Variants in DEUP1 observed in about 807,000 individuals in gnomAD.
DEUP1 encodes the protein deuterosome assembly protein 1.
A neutral mutation model predicts 87.4 loss-of-function variants in DEUP1; 82 were observed. That is an observed-to-expected ratio of 0.94 (90% CI 0.78 to 1.13). The LOEUF is 1.13. Among genes scored for constraint, DEUP1 ranks in the 50% most tolerant of loss-of-function variants. The pLI, the probability that DEUP1 is intolerant of heterozygous loss-of-function variation, is 0.00. For missense variants in DEUP1, 663 were observed against 681.5 expected (o/e 0.97, Z 0.30); for synonymous variants, 214 against 222.7 (o/e 0.96, Z 0.35).
intron 12 of DEUP1, among the ~76,000 whole-genome samples, chr11:93,413,657 T>G (rs1468265279): frequency 1.3e-5 from 2 of 152,246 alleles, no homozygotes; most frequent in Non-Finnish European, 2.9e-5. Context: ...ATTGGTTTGT[T>G]ACATGTTTTC....
At chr11:93,417,997 G>C (rs1947707811) in intron 13 of DEUP1, among the ~76,000 whole-genome samples, 1 of 151,734 alleles carries the variant, frequency 6.6e-6, no homozygotes, top group Non-Finnish European at 1.5e-5. Context: ...GCTGAAACTG[G>C]ATCCCTTCCT....
intron 2 of DEUP1, among the ~76,000 whole-genome samples, chr11:93,344,951 C>T (rs186245636): frequency 7.9e-5 from 12 of 151,118 alleles, no homozygotes; most frequent in African/African-American, 2.7e-4. Flanking sequence ...ATTATTTCAT[C>T]ATCCACATAC....
chr11:93,354,240 CAA>C (rs1944773877), intron 2 of DEUP1, among the ~76,000 whole-genome samples: 1 of 152,152 alleles, frequency 6.6e-6, no homozygotes, highest in Admixed American at 6.5e-5. Flanking sequence ...TAAAACATAA[CAA>C]GAGTCACCTT....
intron 7 of DEUP1, among the ~76,000 whole-genome samples, chr11:93,378,561 A>G (rs1298036790): frequency 6.6e-6 from 1 of 151,896 alleles, no homozygotes; most frequent in Non-Finnish European, 1.5e-5. Context: ...GACCTTCTGA[A>G]TTATTTTTCT....
chr11:93,410,823 A>G (rs2134428417), intron 12 of DEUP1, among the ~76,000 whole-genome samples: 1 of 152,354 alleles, frequency 6.6e-6, no homozygotes, highest in African/African-American at 2.4e-5. Flanking sequence ...TAACAAAAAC[A>G]AGACAGTAGG....
intron 9 of DEUP1, among the ~76,000 whole-genome samples, chr11:93,393,569 T>C (rs1946838973): frequency 6.6e-6 from 1 of 152,214 alleles, no homozygotes; most frequent in Non-Finnish European, 1.5e-5. Context: ...CTGTCATCCC[T>C]AGGCTGGGTT....
chr11:93,356,333 T>C (rs1246194076), intron 3 of DEUP1, among the ~76,000 whole-genome samples: 2 of 152,206 alleles, frequency 1.3e-5, no homozygotes, highest in Non-Finnish European at 2.9e-5. Flanking sequence ...AACTTAGTTA[T>C]TGGCATCTAG....
intron 13 of DEUP1, 50 bp from the exon 14 acceptor site, chr11:93,437,493 T>G: frequency 6.9e-7 from 1 of 1,445,036 alleles, no homozygotes; most frequent in Non-Finnish European, 9.4e-7. Flanking sequence ...ATGGGAAGAT[T>G]TTTTAAAGCT....
intron 2 of DEUP1, chr11:93,352,290 G>A: frequency 1.4e-6 from 1 of 693,726 alleles, no homozygotes; most frequent in African/African-American, 1.8e-5. Context: ...CTGGACGTTT[G>A]TATGTTCCTT....
chr11:93,364,333 G>A, intron 5 of DEUP1, 39 bp downstream of exon 5: 2 of 1,562,984 alleles, frequency 1.3e-6, no homozygotes, highest in Non-Finnish European at 8.8e-7. Context: ...GTGTATTAAA[G>A]ATTGATTCCT....
At position 93,393,286 on chromosome 11, in the gene DEUP1, CTA is replaced by C. The variant is rs528428810; in HGVS notation, c.1042-1169_1042-1168del. On this transcript the variant is annotated intron_variant, in intron 9 of 13. Transcript: ENST00000298050. ...AATGTTTTTACTTTTCATAGAGCATCTATATGTTCTATTTTTTTCTATGCCTT... is the reference window on the plus strand; with the variant it reads ...AATGTTTTTACTTTTCATAGAGCATCTATGTTCTATTTTTTTCTATGCCTT... 2.4e-4 allele frequency among the ~76,000 whole-genome samples: 37 copies of C among 151,530 alleles called. No homozygotes were observed. The South Asian group carries it at 7.4e-3, about 30-fold the overall frequency.
At chr11:93,437,439 G>C in intron 13 of DEUP1, 104 bp from the exon 14 acceptor site, 1 of 785,024 alleles carries the variant, frequency 1.3e-6, no homozygotes, top group Non-Finnish European at 2.0e-6. Context: ...TTCATTAAGA[G>C]CTGCGGTGTT....
intron 13 of DEUP1, 46 bp downstream of exon 13, chr11:93,415,160 C>T: frequency 1.8e-6 from 2 of 1,132,478 alleles, no homozygotes; most frequent in Non-Finnish European, 2.7e-6. Flanking sequence ...TGGGTTATTG[C>T]TTTACTCTTA....
chr11:93,412,833 G>A (rs776095766), intron 12 of DEUP1, among the ~76,000 whole-genome samples: 16 of 151,882 alleles, frequency 1.1e-4, no homozygotes, highest in Non-Finnish European at 1.9e-4. Context: ...TCATCTTATG[G>A]TGCACATCAT....
At chr11:93,339,584 CA>C (rs1266686184) in intron 2 of DEUP1, among the ~76,000 whole-genome samples, 9 of 152,246 alleles carry the variant, frequency 5.9e-5, no homozygotes, top group Middle Eastern at 3.4e-3. Flanking sequence ...GCATATGAGG[CA>C]TAATTGGTGC....
intron 7 of DEUP1, among the ~76,000 whole-genome samples, chr11:93,372,279 AT>A (rs1233753794): frequency 2.0e-5 from 3 of 151,978 alleles, no homozygotes; most frequent in Non-Finnish European, 4.4e-5. Flanking sequence ...TTTATCTCCC[AT>A]TTTAGGTTTT....
At chr11:93,342,335 C>T (rs577952187) in intron 2 of DEUP1, among the ~76,000 whole-genome samples, 2 of 152,292 alleles carry the variant, frequency 1.3e-5, no homozygotes, top group Middle Eastern at 3.4e-3. Context: ...TGAATATTTA[C>T]ACACCAATAG....
intron 2 of DEUP1, among the ~76,000 whole-genome samples, chr11:93,340,695 A>G (rs1206923311): frequency 1.3e-5 from 2 of 152,234 alleles, no homozygotes; most frequent in Non-Finnish European, 2.9e-5. Flanking sequence ...GTTTGTTTTC[A>G]TGAAATAGCT....
At chr11:93,352,594 C>T (rs571845684) in intron 2 of DEUP1, 3 of 589,504 alleles carry the variant, frequency 5.1e-6, no homozygotes, top group South Asian at 4.7e-5. Flanking sequence ...AGTTTGTTTT[C>T]ATGCTGCTGA....
Sources: gnomAD v4.1 joint callset for allele counts (sites outside exome capture counted in the v4.1 genomes callset) on GRCh38, gnomAD v4.1.1 for gene constraint, MANE v1.5 for transcripts, NCBI Gene and HGNC (gene_info 2026-07-23, HGNC 2026-07-21) for gene names.